The following SLC22A16 variants were observed in gnomAD, a reference collection of about 807,000 sequenced individuals.
SLC22A16 encodes the protein solute carrier family 22 member 16.
SLC22A16 carries 53 observed loss-of-function variants against 52.9 expected under a neutral mutation model. That is an observed-to-expected ratio of 1.00 (90% confidence interval 0.80 to 1.26). The LOEUF is 1.26. Among genes scored for constraint, SLC22A16 ranks in the 50% most tolerant of loss-of-function variants. The pLI, the probability that SLC22A16 is intolerant of heterozygous loss-of-function variation, is 0.00. For synonymous variants in SLC22A16, 291 were observed against 268.8 expected (o/e 1.08, Z -0.81); for missense variants, 726 against 704.0 (o/e 1.03, Z -0.35).
At chr6:110,457,861 C>G (rs1299388455) in intron 1 of SLC22A16, among the ~76,000 whole-genome samples, 1 of 152,060 alleles carries the variant, frequency 6.6e-6, no homozygotes, top group African/African-American at 2.4e-5. Context: ...AAGAAAAGTA[C>G]CCGCTACTTA....
intron 1 of SLC22A16, chr6:110,474,872 A>G (rs1449134492): frequency 1.6e-5 from 8 of 513,090 alleles, no homozygotes; most frequent in African/African-American, 1.6e-4. Context: ...ACCAACTAAT[A>G]TAATTACCTC....
chr6:110,475,092 C>A, intron 1 of SLC22A16: 1 of 443,598 alleles, frequency 2.3e-6, no homozygotes, highest in Non-Finnish European at 4.5e-6. Context: ...TGTGTGGTAG[C>A]GCCAGAGTGG....
intron 2 of SLC22A16, among the ~76,000 whole-genome samples, chr6:110,447,791 T>C (rs1303326551): frequency 6.6e-6 from 1 of 152,358 alleles, no homozygotes; most frequent in Non-Finnish European, 1.5e-5. Flanking sequence ...TTCTTTTCCC[T>C]AGCATTAGAT....
chr6:110,465,730 A>AT (rs1446177708), intron 1 of SLC22A16, among the ~76,000 whole-genome samples: 1 of 152,194 alleles, frequency 6.6e-6, no homozygotes, highest in Non-Finnish European at 1.5e-5. Context: ...CAATCTACAA[A>AT]TTCAATGCAA....
chr6:110,465,273 A>G lies in SLC22A16; in HGVS notation c.54-8256T>C, dbSNP rs547398780. On this transcript the variant is annotated intron_variant, in intron 1 of 7. Coordinates refer to ENST00000368919, the MANE Select transcript of SLC22A16 (RefSeq NM_033125.4). ...TTCACTCTTACAGCTCCTAAATAGC[A>G]CAGTACTAGAAGTCCTAAACATAGC... Among the ~76,000 whole-genome samples the G allele has an allele frequency of 1.9e-3, 295 of 152,212 alleles. 4 individuals carry two copies. Among genetic ancestry groups the G allele is most frequent in the African/African-American group, 6.7e-3 (279 of 41,560 alleles).
chr6:110,465,246 A>T (rs1193072893), intron 1 of SLC22A16, among the ~76,000 whole-genome samples: 2 of 152,106 alleles, frequency 1.3e-5, no homozygotes, highest in African/African-American at 2.4e-5. Flanking sequence ...CAAGACAAGG[A>T]TTTCACTCTT....
At chr6:110,427,260 A>AAGAAAAG (rs1554222361) in intron 7 of SLC22A16, among the ~76,000 whole-genome samples, 2 of 137,948 alleles carry the variant, frequency 1.4e-5, no homozygotes, top group African/African-American at 5.5e-5. Flanking sequence ...AAAAAAAAAA[A>AAGAAAAG]AAAAGAAAAA....
At chr6:110,434,004 G>T (rs965547995) in intron 6 of SLC22A16, among the ~76,000 whole-genome samples, 3 of 152,166 alleles carry the variant, frequency 2.0e-5, no homozygotes, top group African/African-American at 7.2e-5. Flanking sequence ...GCTTTGGGAG[G>T]CCAAGGAGGG....
intron 3 of SLC22A16, 49 bp from the exon 4 acceptor site, chr6:110,442,824 AT>A (rs1413446797): frequency 6.5e-7 from 1 of 1,548,848 alleles, no homozygotes; most frequent in South Asian, 1.2e-5. Flanking sequence ...ATTTATAACT[AT>A]TGAGGAGTCT....
Position 110,476,547 on chromosome 6 carries a change from A to G in SLC22A16, c.28T>C (p.Tyr10His), listed in dbSNP as rs1776496478. Residue 10 changes from tyrosine to histidine, a missense_variant, in exon 1 of 8, where the codon TAT becomes CAT. Coordinates refer to ENST00000368919, the MANE Select transcript of SLC22A16 (RefSeq NM_033125.4). The part of the protein sequence containing the change: MGSRHFEGI[Y>H]DHVGHFGRFQ... Reference sequence around the variant, plus strand: ...CTGCCGAAGTGCCCCACGTGGTCATAAATCCCCTCGAAGTGGCGGGACCCC... The same window carrying G: ...CTGCCGAAGTGCCCCACGTGGTCATGAATCCCCTCGAAGTGGCGGGACCCC... The G allele has an allele frequency of 3.3e-6, 5 of 1,508,790 alleles. No homozygotes were observed. The South Asian group carries it at 6.1e-5, about 18-fold the overall frequency. The allele number at this position is 1,508,790 out of a possible 1,614,324, so 93.5% of individuals were successfully genotyped here. A position where few individuals can be genotyped will look rare whatever the true frequency, so the allele number is the denominator to read the frequency against.
chr6:110,468,884 G>A (rs968392534), intron 1 of SLC22A16, among the ~76,000 whole-genome samples: 10 of 152,124 alleles, frequency 6.6e-5, no homozygotes, highest in African/African-American at 2.4e-4. Context: ...ACTGGCTGCC[G>A]TGTCACCACA....
chr6:110,454,620 TAA>T (rs1491561420), intron 2 of SLC22A16, among the ~76,000 whole-genome samples: 2 of 56,030 alleles, frequency 3.6e-5, no homozygotes, highest in African/African-American at 1.0e-4. Context: ...ATTTTATATA[TAA>T]TATATATTTA....
chr6:110,426,638 T>C (rs1377400870), intron 7 of SLC22A16, among the ~76,000 whole-genome samples: 1 of 152,128 alleles, frequency 6.6e-6, no homozygotes, highest in Non-Finnish European at 1.5e-5. Flanking sequence ...GCTGGCTATT[T>C]TCCCTTGGCA....
At chr6:110,464,638 A>G (rs1031992504) in intron 1 of SLC22A16, among the ~76,000 whole-genome samples, 1 of 152,038 alleles carries the variant, frequency 6.6e-6, no homozygotes, top group Non-Finnish European at 1.5e-5. Context: ...TTGAATCAGT[A>G]ACAAAAAAAT....
intron 1 of SLC22A16, chr6:110,475,819 A>C (rs914163789): frequency 9.5e-6 from 4 of 421,470 alleles, no homozygotes; most frequent in Admixed American, 2.9e-5. Flanking sequence ...AAATTTTTTA[A>C]ATCAATTTGA....
At chr6:110,476,395 G>A (rs1018622115) in intron 1 of SLC22A16, 127 bp downstream of exon 1, 143 of 1,378,486 alleles carry the variant, frequency 1.0e-4, no homozygotes, top group Non-Finnish European at 1.3e-4. Context: ...TCCCGACTGC[G>A]CGGGGTGAGG....
chr6:110,442,710 C>T lies in SLC22A16; in HGVS notation c.717G>A (p.Arg239=). The T allele has an allele frequency of 6.2e-7, 1 of 1,614,158 alleles. No individual in the cohort carries two copies. The highest frequency in any genetic ancestry group is 1.7e-5 in the Admixed American group (1 of 60,016). ...YVMEFIGMKS[R]TWASVHLHSF... is the part of the protein sequence containing the mutation. ...AATGCAAATGGACAGACGCCCATGT[C>T]CGAGACTTCATGCCAATGAATTCCA... The change falls in exon 4 of 8, where the codon CGG becomes CGA. Residue 239 remains arginine (R), a synonymous_variant. Transcript: ENST00000368919.
At chr6:110,447,216 G>A (rs907262197) in intron 2 of SLC22A16, among the ~76,000 whole-genome samples, 1 of 152,088 alleles carries the variant, frequency 6.6e-6, no homozygotes, top group African/African-American at 2.4e-5. Context: ...ATACATACCT[G>A]ATCACTCTGA....
rs1192723224 is a variant in SLC22A16 at position 110,456,751 on chromosome 6, T to C, written c.320A>G (p.Glu107Gly). Residue 107 changes from glutamate (E) to glycine (G), a missense_variant, in exon 2 of 8, where the codon GAG becomes GGG. By Grantham distance (98) the Glu-to-Gly change is moderately conservative. Transcript: ENST00000368919. ...TTCATAGCCCAAACTCGATGTGTTCTCCCTCTTATTCCTGCTACACCTTGA... is the reference window on the plus strand; with the variant it reads ...TTCATAGCCCAAACTCGATGTGTTCCCCCTCTTATTCCTGCTACACCTTGA... ...ELSRCSRNKR[E>G]NTSSLGYEYT... 3 of 1,614,076 alleles carry C rather than the reference T, an allele frequency of 1.9e-6. No homozygotes were observed. The African/African-American group carries it at 4.0e-5, about 22-fold the overall frequency.
Sources: allele counts gnomAD v4.1 joint callset (sites outside exome capture counted in the v4.1 genomes callset), GRCh38; gene constraint gnomAD v4.1.1; transcripts MANE v1.5; gene names NCBI Gene and HGNC (gene_info 2026-07-23, HGNC 2026-07-21).